E2F5: variants seen among roughly 807,000 people sequenced by gnomAD.
E2F5 encodes transcription factor E2F5.
In E2F5, 23 loss-of-function variants were observed where a neutral mutation model predicts 39.1. The ratio of observed to expected loss-of-function variants is 0.59; its 90% CI spans 0.42 to 0.83. The LOEUF is 0.83. Among genes scored for constraint, E2F5 ranks in the 40% least tolerant of loss-of-function variants. The pLI is 0.00. For missense variants in E2F5, 365 were observed against 406.7 expected, an observed-to-expected ratio of 0.90 and a Z score of 0.88; for synonymous variants, 145 against 157.8, an observed-to-expected ratio of 0.92 and a Z score of 0.61.
At chr8:85,204,407 T>C (rs948645405) in intron 3 of E2F5, among the ~76,000 whole-genome samples, 1 of 151,312 alleles carries the variant, frequency 6.6e-6, no homozygotes, top group Non-Finnish European at 1.5e-5. Flanking sequence ...TGGATGACGC[T>C]GGAAACCATC....
chr8:85,213,875 C>G lies in E2F5; in HGVS notation c.*13C>G. ...ACTAAATTATTAGATTCCATGGAAA[C>G]TTGGGACTGTTATCTACCTCTAACT... On this transcript the variant is annotated 3_prime_UTR_variant, in exon 8 of 8. Coordinates refer to ENST00000416274, the MANE Select transcript of E2F5 (RefSeq NM_001951.4). 2.7e-6 allele frequency: 4 copies of G among 1,485,500 alleles called. No individual in the cohort carries two copies. The highest frequency in any genetic ancestry group is 3.8e-6 in the Non-Finnish European group (4 of 1,064,540). 92.0% of individuals were successfully genotyped at this position (1,485,500 alleles called of 1,614,324 possible).
intron 3 of E2F5, 92 bp downstream of exon 3, chr8:85,203,347 AG>A (rs1261538016): frequency 5.5e-6 from 6 of 1,087,390 alleles, no homozygotes; most frequent in Non-Finnish European, 6.0e-6. Flanking sequence ...CTTTGTTTTT[AG>A]ACAGTTAAGT....
intron 1 of E2F5, among the ~76,000 whole-genome samples, chr8:85,178,853 A>T (rs1416658346): frequency 6.6e-6 from 1 of 152,190 alleles, no homozygotes; most frequent in African/African-American, 2.4e-5. Flanking sequence ...CTTTCCCTGG[A>T]TGTAGTTGGT....
At chr8:85,207,275 A>G (rs368112402) in intron 4 of E2F5, 150 bp from the exon 5 acceptor site, 33 of 598,860 alleles carry the variant, frequency 5.5e-5, no homozygotes, top group South Asian at 3.9e-4. Context: ...TAGGTTGTGT[A>G]TCCCCCATTT....
At chr8:85,194,377 A>G (rs1812533103) in intron 1 of E2F5, among the ~76,000 whole-genome samples, 1 of 152,100 alleles carries the variant, frequency 6.6e-6, no homozygotes, top group Admixed American at 6.6e-5. Flanking sequence ...AAATCCATGT[A>G]CATTCTAGTA....
intron 1 of E2F5, chr8:85,177,978 C>G (rs1260936299): frequency 1.8e-5 from 3 of 171,352 alleles, no homozygotes; most frequent in Admixed American, 6.4e-5. Context: ...AACCGAGTGT[C>G]TGTTGCTCTG....
At chr8:85,204,685 A>C (rs4150947) in intron 3 of E2F5, among the ~76,000 whole-genome samples, 3,708 of 151,940 alleles carry the variant, frequency 0.024, 154 homozygotes, top group African/African-American at 0.085. Flanking sequence ...TAAAACTTAA[A>C]GTATAATAAT....
At chr8:85,190,119 TC>T (rs1408725860) in intron 1 of E2F5, among the ~76,000 whole-genome samples, 1 of 152,194 alleles carries the variant, frequency 6.6e-6, no homozygotes, top group African/African-American at 2.4e-5. Context: ...GTCTATGCAC[TC>T]CCTCTTAGAT....
In E2F5 at chr8:85,209,546, A is replaced by G. The variant is rs1388226940; in HGVS notation, c.883+137A>G. 4.6e-6 allele frequency: 5 copies of G among 1,088,392 alleles called. No homozygotes were observed. The Admixed American group carries it at 1.4e-4, about 31-fold the overall frequency. 67.4% of individuals were successfully genotyped at this position (1,088,392 alleles called of 1,614,324 possible). A position where few individuals can be genotyped will look rare whatever the true frequency, so the allele number is the denominator to read the frequency against. On this transcript the variant is annotated intron_variant, in intron 6 of 7. Transcript: ENST00000416274. ...TTGGAATATTTGCATATACATAATAACATATCTTGGGGATAGGACCCAAGT... is the reference window on the plus strand; with the variant it reads ...TTGGAATATTTGCATATACATAATAGCATATCTTGGGGATAGGACCCAAGT...
At chr8:85,186,995 A>G (rs927246668) in intron 1 of E2F5, among the ~76,000 whole-genome samples, 2 of 150,770 alleles carry the variant, frequency 1.3e-5, no homozygotes, top group Non-Finnish European at 3.0e-5. Flanking sequence ...CTTTTGCTGT[A>G]TTCCATAGAT....
intron 1 of E2F5, chr8:85,177,976 G>A (rs2136035666): frequency 5.7e-6 from 1 of 174,120 alleles, no homozygotes; most frequent in East Asian, 1.6e-4. Context: ...GTAACCGAGT[G>A]TCTGTTGCTC....
intron 1 of E2F5, among the ~76,000 whole-genome samples, chr8:85,193,716 C>G (rs150943383): frequency 6.6e-5 from 10 of 152,256 alleles, no homozygotes; most frequent in African/African-American, 1.9e-4. Context: ...TAGAGTTTCA[C>G]GTCAGTGAAG....
intron 1 of E2F5, among the ~76,000 whole-genome samples, chr8:85,181,945 G>A (rs1299743957): frequency 7.4e-6 from 1 of 135,396 alleles, no homozygotes; most frequent in Non-Finnish European, 1.6e-5. Context: ...TGGGCGACAA[G>A]AGCGAAACTG....
chr8:85,184,622 G>A (rs149898135), intron 1 of E2F5, among the ~76,000 whole-genome samples: 5,449 of 152,246 alleles, frequency 0.036, 283 homozygotes, highest in African/African-American at 0.12. Context: ...AAACCCCATC[G>A]TCTTAGCCCC....
chr8:85,211,032 A>G (rs1445592819), intron 6 of E2F5, among the ~76,000 whole-genome samples: 1 of 152,116 alleles, frequency 6.6e-6, no homozygotes, highest in African/African-American at 2.4e-5. Flanking sequence ...TGGGAAGCAG[A>G]ATTCAGAAGC....
At chr8:85,193,933 T>G (rs1335505613) in intron 1 of E2F5, among the ~76,000 whole-genome samples, 1 of 152,218 alleles carries the variant, frequency 6.6e-6, no homozygotes, top group Non-Finnish European at 1.5e-5. Flanking sequence ...AATTCATGTA[T>G]AAGCCTTCAT....
At chr8:85,205,540 G>A (rs985310266) in intron 3 of E2F5, among the ~76,000 whole-genome samples, 4 of 151,722 alleles carry the variant, frequency 2.6e-5, no homozygotes, top group Admixed American at 6.6e-5. Context: ...CACCTGCCTC[G>A]GCCTCCCAAA....
At position 85,189,079 on chromosome 8, in the gene E2F5, ATT is replaced by A. The variant is rs1253919463; in HGVS notation, c.234+11426_234+11427del. On this transcript the variant is annotated intron_variant, in intron 1 of 7. Coordinates refer to ENST00000416274, the MANE Select transcript of E2F5 (RefSeq NM_001951.4). The stretch of plus-strand genomic sequence containing the variant: ...TGCTCCATCCCTTCCTAAATAAATC[ATT>A]GTTTTAATTTCACCAGTAAAGACTG... Among the ~76,000 whole-genome samples the A allele has an allele frequency of 5.3e-5, 8 of 152,270 alleles. No homozygotes were observed. In the East Asian group the frequency reaches 1.4e-3, roughly 26 times the overall value.
chr8:85,182,412 G>A (rs1812240206), intron 1 of E2F5, among the ~76,000 whole-genome samples: 2 of 152,198 alleles, frequency 1.3e-5, no homozygotes, highest in South Asian at 4.1e-4. Flanking sequence ...TGAGAGCTAA[G>A]ATTTGAAATT....
Sources: allele counts gnomAD v4.1 joint callset (sites outside exome capture counted in the v4.1 genomes callset), GRCh38; gene constraint gnomAD v4.1.1; transcripts MANE v1.5; gene names NCBI Gene and HGNC (gene_info 2026-07-23, HGNC 2026-07-21).